BMX: variants seen among roughly 807,000 people sequenced by gnomAD.
BMX encodes the protein cytoplasmic tyrosine-protein kinase BMX.
BMX carries 31 observed loss-of-function variants against 59.2 expected under a neutral mutation model. The ratio of observed to expected loss-of-function variants is 0.52; its 90% CI spans 0.39 to 0.71. The LOEUF is 0.71. BMX is among the 30% of genes least tolerant of loss of function. The probability of loss-of-function intolerance (pLI) is 0.00; values close to 1 mark genes in which losing one functional copy is unlikely to be tolerated. For missense variants in BMX, 474 were observed against 491.7 expected (o/e 0.96, Z 0.34); for synonymous variants, 185 against 181.0 (o/e 1.02, Z -0.18).
At chrX:15,530,055 T>C (rs765464665) in intron 10 of BMX, 28 bp downstream of exon 10, 14 of 1,175,160 alleles carry the variant, frequency 1.2e-5, no homozygotes, top group Admixed American at 2.2e-5. Context: ...TAAAACAGCC[T>C]CACAGAATCT....
chrX:15,541,874 G>A (rs904725029), intron 14 of BMX, 108 bp from the exon 15 acceptor site: 4 of 686,299 alleles, frequency 5.8e-6, no homozygotes, highest in Non-Finnish European at 9.1e-6. Flanking sequence ...AAGTGAAAGA[G>A]GGTGGGGGTG....
chrX:15,509,711 C>T (rs776594733), intron 3 of BMX, among the ~76,000 whole-genome samples: 97 of 110,615 alleles, frequency 8.8e-4, no homozygotes, highest in Non-Finnish European at 1.5e-3. Context: ...TGAGTATCTC[C>T]GATGTGGTAC....
intron 11 of BMX, among the ~76,000 whole-genome samples, chrX:15,531,611 G>A (rs189314538): frequency 8.1e-5 from 9 of 111,442 alleles, no homozygotes; most frequent in Non-Finnish European, 1.1e-4. Context: ...ACTTTCAAGA[G>A]GCCATTCTCT....
chrX:15,547,891 G>C (rs1601668817), intron 17 of BMX, among the ~76,000 whole-genome samples: 1 of 111,604 alleles, frequency 9.0e-6, no homozygotes, highest in African/African-American at 3.3e-5. Flanking sequence ...ATGTGACTGA[G>C]ACCTATTTCA....
intron 16 of BMX, among the ~76,000 whole-genome samples, chrX:15,544,566 G>A (rs922193229): frequency 9.0e-6 from 1 of 111,453 alleles, no homozygotes; most frequent in African/African-American, 3.3e-5. Context: ...GGAAAAGGGA[G>A]ACTTTTCCAA....
chrX:15,507,541 T>C (rs1420034986), intron 1 of BMX: 2 of 173,057 alleles, frequency 1.2e-5, no homozygotes, highest in Non-Finnish European at 1.8e-5. Context: ...CTGCTCAACA[T>C]TGCTACTTTT....
At position 15,534,260 on chromosome X, in the gene BMX, G is replaced by A. The variant is rs758270965; in HGVS notation, c.1068G>A (p.Glu356=). 1 of 1,192,567 alleles carries A rather than the reference G, an allele frequency of 8.4e-7. No individual in the cohort carries two copies. Among genetic ancestry groups the A allele is most frequent in the Non-Finnish European group, 1.1e-6 (1 of 883,969 alleles). The change falls in exon 12 of 19, where the codon GAG becomes GAA. Residue 356 remains glutamate, a synonymous_variant. Coordinates refer to ENST00000348343, the MANE Select transcript of BMX (RefSeq NM_203281.3). The part of the protein sequence containing the change: ...VKHYHVHTNA[E]NKLYLAENYC... ...ATTACCACGTGCATACAAATGCTGA[G>A]AACAAATTATACCTGGCAGAAAACT...
chrX:15,513,189 T>A (rs1445227447), intron 4 of BMX, among the ~76,000 whole-genome samples: 1 of 112,140 alleles, frequency 8.9e-6, no homozygotes, highest in Non-Finnish European at 1.9e-5. Context: ...AGATAGGCAG[T>A]CAGTCAAGGG....
At chrX:15,535,514 C>T (rs930370666) in intron 12 of BMX, among the ~76,000 whole-genome samples, 2 of 111,827 alleles carry the variant, frequency 1.8e-5, no homozygotes, top group African/African-American at 6.5e-5. Flanking sequence ...GGAAACTTCA[C>T]AGGATATCAG....
In BMX at chrX:15,534,291, T is replaced by G; in HGVS notation, c.1099T>G (p.Phe367Val). 1 of 1,198,884 alleles carries G rather than the reference T, an allele frequency of 8.3e-7. No homozygotes were observed. The highest frequency in any genetic ancestry group is 1.1e-6 in the Non-Finnish European group (1 of 889,150). Residue 367 changes from phenylalanine to valine, a missense_variant, in exon 12 of 19, where the codon TTT becomes GTT. Coordinates refer to ENST00000348343, the MANE Select transcript of BMX (RefSeq NM_203281.3). ...ATTATACCTGGCAGAAAACTACTGT[T>G]TTGATTCCATTCCAAAGCTTATTCA... is the stretch of plus-strand genomic sequence containing the variant. ...NKLYLAENYC[F>V]DSIPKLIHYH...
chrX:15,546,084 A>G lies in BMX; in HGVS notation c.1677-719A>G, dbSNP rs776355200. ...TTTTTGAATGGCTATGTGCTATTCT[A>G]TTGTGTGAGTGTGCCATAATATATT... On this transcript the variant is annotated intron_variant, in intron 16 of 18. Transcript: ENST00000348343. 2.9e-4 allele frequency among the ~76,000 whole-genome samples: 32 copies of G among 112,268 alleles called. No homozygotes were observed. The South Asian group carries it at 0.011, about 40-fold the overall frequency.
At chrX:15,516,659 A>G (rs1924172588) in intron 5 of BMX, among the ~76,000 whole-genome samples, 1 of 106,326 alleles carries the variant, frequency 9.4e-6, no homozygotes, top group Non-Finnish European at 1.9e-5. Context: ...TCACAAACTG[A>G]AAAAACAACA....
Position 15,517,733 on chromosome X carries a change from T to C in BMX, c.446-196T>C, listed in dbSNP as rs1416359907. On this transcript the variant is annotated intron_variant, in intron 5 of 18. Transcript: ENST00000348343. Reference sequence around the variant, plus strand: ...CCAAGATGCCTTGATCCATCCTCTTTCCAGGATACATGGCCTACATAGGAG... The same window carrying C: ...CCAAGATGCCTTGATCCATCCTCTTCCCAGGATACATGGCCTACATAGGAG... Among the ~76,000 whole-genome samples, 6 of 112,615 alleles carry C rather than the reference T, an allele frequency of 5.3e-5. No individual in the cohort carries two copies. In the Admixed American group the frequency reaches 5.6e-4, roughly 11 times the overall value.
intron 11 of BMX, 130 bp from the exon 12 acceptor site, chrX:15,534,082 C>A: frequency 1.9e-6 from 1 of 519,516 alleles, no homozygotes; most frequent in Non-Finnish European, 3.0e-6. Flanking sequence ...ACACCAGATG[C>A]CAAGCCTGAG....
intron 16 of BMX, among the ~76,000 whole-genome samples, chrX:15,546,140 G>A (rs1412664340): frequency 1.8e-5 from 2 of 112,193 alleles, no homozygotes; most frequent in Non-Finnish European, 3.8e-5. Context: ...GAACATTGAG[G>A]TTGCTTTCAT....
rs920767174 is a variant in BMX, at chrX:15,500,956, A to T, written c.-10+16A>T. On this transcript the variant is annotated intron_variant, in intron 1 of 18. Transcript: ENST00000348343. ...AGCTGAGACGGTGCGTTTAAGCGGCAGGTGGCTACTCAGTGTCGCATACTA... is the reference window on the plus strand; with the variant it reads ...AGCTGAGACGGTGCGTTTAAGCGGCTGGTGGCTACTCAGTGTCGCATACTA... The T allele has an allele frequency of 1.3e-6, 1 of 752,936 alleles. No homozygotes were observed. The highest frequency in any genetic ancestry group is 2.3e-5 in the African/African-American group (1 of 43,289). 62.1% of individuals were successfully genotyped at this position (752,936 alleles called of 1,213,427 possible). A position where few individuals can be genotyped will look rare whatever the true frequency, so the allele number is the denominator to read the frequency against.
chrX:15,546,668 A>C lies in BMX; in HGVS notation c.1677-135A>C, dbSNP rs111650780. 31 of 454,330 alleles carry C rather than the reference A, an allele frequency of 6.8e-5. No homozygotes were observed. The African/African-American group carries it at 7.1e-4, about 10-fold the overall frequency. The allele number at this position is 454,330 out of a possible 1,213,427, so 37.4% of individuals were successfully genotyped here. A position where few individuals can be genotyped will look rare whatever the true frequency, so the allele number is the denominator to read the frequency against. On this transcript the variant is annotated intron_variant, in intron 16 of 18. Transcript: ENST00000348343. ...TACAAACCATAAGCAGCCTCCAGCT[A>C]AGCCCACACATTGAAAGGAAACAAA...
At chrX:15,521,948 G>C (rs1924476861) in intron 6 of BMX, among the ~76,000 whole-genome samples, 2 of 111,493 alleles carry the variant, frequency 1.8e-5, no homozygotes, top group Admixed American at 1.9e-4. Context: ...TGGGCATGTA[G>C]GCAGTTTCTA....
At chrX:15,552,868 TTC>T (rs1926260076) in intron 18 of BMX, among the ~76,000 whole-genome samples, 2 of 112,609 alleles carry the variant, frequency 1.8e-5, no homozygotes, top group South Asian at 7.3e-4. Flanking sequence ...ACAAAATATT[TTC>T]TGTTTGGGCA....
Sources: allele counts gnomAD v4.1 joint callset (sites outside exome capture counted in the v4.1 genomes callset), GRCh38; gene constraint gnomAD v4.1.1; transcripts MANE v1.5; gene names NCBI Gene and HGNC (gene_info 2026-07-23, HGNC 2026-07-21).